Variants in LINGO2 observed in about 807,000 individuals in gnomAD.
LINGO2 encodes leucine-rich repeat and immunoglobulin-like domain-containing nogo receptor-interacting protein 2.
In LINGO2, 14 loss-of-function variants were observed where a neutral mutation model predicts 30.6. The observed-to-expected ratio is 0.46, with a 90% CI of 0.30 to 0.72. The LOEUF is 0.72. Ranked by LOEUF, LINGO2 falls within the 30% of genes least tolerant of loss-of-function variation. The probability of loss-of-function intolerance (pLI) is 0.07; values close to 1 mark genes in which losing one functional copy is unlikely to be tolerated. For missense variants in LINGO2, 729 were observed against 751.7 expected, an observed-to-expected ratio of 0.97 and a Z score of 0.35; for synonymous variants, 317 against 288.5, an observed-to-expected ratio of 1.10 and a Z score of -1.00.
At chr9:28,430,102 G>GTGCGCA (rs1554720060) in intron 2 of LINGO2, among the ~76,000 whole-genome samples, 2 of 51,886 alleles carry the variant, frequency 3.9e-5, no homozygotes, top group South Asian at 1.3e-3. Context: ...TTCCACGCGC[G>GTGCGCA]CGCGCGCGTG....
chr9:28,502,826 A>C (rs532897396), intron 1 of LINGO2, among the ~76,000 whole-genome samples: 7 of 152,224 alleles, frequency 4.6e-5, no homozygotes, highest in Admixed American at 1.3e-4. Flanking sequence ...GTGCTATAAA[A>C]ATGTACTTTC....
At chr9:27,955,761 G>GTT (rs373768250) in intron 5 of LINGO2, among the ~76,000 whole-genome samples, 1 of 151,832 alleles carries the variant, frequency 6.6e-6, no homozygotes, top group Non-Finnish European at 1.5e-5. Flanking sequence ...GCATACTTAT[G>GTT]TTTTTTCTTA....
At chr9:28,634,485 C>CTTTTTTTTTTTTTTT (rs755583837) in intron 1 of LINGO2, among the ~76,000 whole-genome samples, 2 of 124,670 alleles carry the variant, frequency 1.6e-5, no homozygotes, top group South Asian at 2.5e-4. Flanking sequence ...TTCTTTTTTT[C>CTTTTTTTTTTTTTTT]TTTTTTTTTT....
chr9:29,077,019 T>C, the LINGO2 span, among the ~76,000 whole-genome samples: 2 of 152,224 alleles, frequency 1.3e-5, no homozygotes, highest in East Asian at 3.9e-4. Flanking sequence ...CCTATCAATG[T>C]CTGGTGGTGG....
chr9:28,017,205 C>T (rs1414004848), intron 4 of LINGO2, among the ~76,000 whole-genome samples: 1 of 152,108 alleles, frequency 6.6e-6, no homozygotes, highest in Non-Finnish European at 1.5e-5. Context: ...ATAATAAGAG[C>T]CATCTATGAC....
the LINGO2 span, among the ~76,000 whole-genome samples, chr9:28,710,405 C>T: frequency 5.9e-5 from 9 of 151,978 alleles, no homozygotes; most frequent in Non-Finnish European, 1.3e-4. Context: ...GGACTGACAT[C>T]TTATAATTGA....
intron 4 of LINGO2, among the ~76,000 whole-genome samples, chr9:28,194,340 C>T (rs558316401): frequency 6.6e-6 from 1 of 151,810 alleles, no homozygotes; most frequent in Middle Eastern, 3.4e-3. Context: ...AGTCTTTTAC[C>T]AATACTAACC....
chr9:28,997,725 A>G, the LINGO2 span, among the ~76,000 whole-genome samples: 1 of 152,124 alleles, frequency 6.6e-6, no homozygotes, highest in East Asian at 1.9e-4. Flanking sequence ...CAGGAGGCTG[A>G]GGCAGGAAAA....
chr9:27,950,245 T>C, exon 6 of LINGO2: 1 of 1,613,680 alleles, frequency 6.2e-7, no homozygotes, highest in Middle Eastern at 1.7e-4. Context: ...TCTAGTAAAA[T>C]GACAATCTTA....
chr9:28,098,870 T>C (rs189382320), intron 4 of LINGO2, among the ~76,000 whole-genome samples: 6 of 152,226 alleles, frequency 3.9e-5, no homozygotes, highest in Non-Finnish European at 7.4e-5. Flanking sequence ...GGTGCTGATA[T>C]GGGAGGAAAT....
At chr9:28,076,283 G>T (rs1381297526) in intron 4 of LINGO2, among the ~76,000 whole-genome samples, 2 of 151,852 alleles carry the variant, frequency 1.3e-5, no homozygotes, top group Non-Finnish European at 2.9e-5. Flanking sequence ...ATACCTACTG[G>T]TTTGGTATTT....
At chr9:28,681,199 T>C in the LINGO2 span, among the ~76,000 whole-genome samples, 1 of 151,898 alleles carries the variant, frequency 6.6e-6, no homozygotes, top group African/African-American at 2.4e-5. Flanking sequence ...TTAGTTCCAG[T>C]TGGTACCCTG....
At chr9:29,165,099 C>T in the LINGO2 span, among the ~76,000 whole-genome samples, 5 of 152,072 alleles carry the variant, frequency 3.3e-5, no homozygotes, top group Non-Finnish European at 1.5e-5. Context: ...CAAAGAACTA[C>T]TAAGAAAACA....
the LINGO2 span, among the ~76,000 whole-genome samples, chr9:29,161,333 AC>A: frequency 6.6e-6 from 1 of 152,082 alleles, no homozygotes; most frequent in Non-Finnish European, 1.5e-5. Flanking sequence ...TTCAGCTATC[AC>A]CCATCCACCC....
chr9:28,485,706 G>C (rs1414041138), intron 1 of LINGO2, among the ~76,000 whole-genome samples: 2 of 151,990 alleles, frequency 1.3e-5, no homozygotes, highest in Non-Finnish European at 2.9e-5. Context: ...CTGAAACATG[G>C]TTGCTGAAAC....
At chr9:29,158,410 G>GAA in the LINGO2 span, among the ~76,000 whole-genome samples, 5,056 of 152,138 alleles carry the variant, frequency 0.033, 260 homozygotes, top group African/African-American at 0.11. Flanking sequence ...TATAACTTTA[G>GAA]TGATACTCAT....
intron 1 of LINGO2, among the ~76,000 whole-genome samples, chr9:28,634,530 G>C (rs1827163771): frequency 1.5e-5 from 2 of 134,510 alleles, no homozygotes; most frequent in Admixed American, 8.3e-5. Context: ...CTGTAACCCA[G>C]GCTGGAGTGC....
At chr9:28,481,685 C>T (rs1825970651) in intron 1 of LINGO2, among the ~76,000 whole-genome samples, 1 of 151,978 alleles carries the variant, frequency 6.6e-6, no homozygotes, top group African/African-American at 2.4e-5. Context: ...AGGTTAGTTA[C>T]ATATGTATAC....
At chr9:28,622,475 C>T (rs1461024405) in intron 1 of LINGO2, among the ~76,000 whole-genome samples, 2 of 151,926 alleles carry the variant, frequency 1.3e-5, no homozygotes, top group Non-Finnish European at 2.9e-5. Flanking sequence ...GCTTATTTCA[C>T]TTAACATAAT....
Sources: gnomAD v4.1 joint callset for allele counts (sites outside exome capture counted in the v4.1 genomes callset) on GRCh38, gnomAD v4.1.1 for gene constraint, MANE v1.5 for transcripts, NCBI Gene and HGNC (gene_info 2026-07-23, HGNC 2026-07-21) for gene names.